Variants in SCN8A observed in about 807,000 individuals in gnomAD.
SCN8A encodes sodium channel protein type 8 subunit alpha.
Under a neutral mutation model 184.1 loss-of-function variants are expected in SCN8A, and 30 were observed. That is an observed-to-expected ratio of 0.16 (90% CI 0.12 to 0.22). The LOEUF is 0.22. Among genes scored for constraint, SCN8A ranks in the 10% least tolerant of loss-of-function variants. The probability of loss-of-function intolerance (pLI) is 1.00; values close to 1 mark genes in which losing one functional copy is unlikely to be tolerated. For synonymous variants in SCN8A, 852 were observed against 907.0 expected (o/e 0.94, Z 1.09); for missense variants, 1,057 against 2,498.9 (o/e 0.42, Z 12.30).
Position 51,792,277 on chromosome 12 carries a change from T to C in SCN8A, c.4524+1775T>C, listed in dbSNP as rs564162884. Among the ~76,000 whole-genome samples the C allele has an allele frequency of 4.8e-5, 7 of 145,726 alleles. No homozygotes were observed. The East Asian group carries it at 1.4e-3, about 29-fold the overall frequency. On this transcript the variant is annotated intron_variant, in intron 25 of 26. Transcript: ENST00000627620. ...AGGCAGATCGCTTGAGCCTAGGAGT[T>C]CTAGACCAGCCTGGGCAACACAGTG...
At chr12:51,592,902 C>A (rs1299054529) in intron 1 of SCN8A, among the ~76,000 whole-genome samples, 1 of 151,952 alleles carries the variant, frequency 6.6e-6, no homozygotes, top group African/African-American at 2.4e-5. Flanking sequence ...TCTCTTTTCT[C>A]CACGTGCATT....
intron 1 of SCN8A, among the ~76,000 whole-genome samples, chr12:51,591,689 C>T (rs1939222097): frequency 6.6e-6 from 1 of 152,132 alleles, no homozygotes; most frequent in African/African-American, 2.4e-5. Context: ...GCGGTGCAGC[C>T]CTCCATCCCT....
At chr12:51,633,245 A>G (rs1940238542) in intron 1 of SCN8A, among the ~76,000 whole-genome samples, 1 of 152,222 alleles carries the variant, frequency 6.6e-6, no homozygotes, top group Non-Finnish European at 1.5e-5. Flanking sequence ...GTGCATACTC[A>G]TATATACACA....
At chr12:51,781,786 T>C (rs1034099565) in intron 21 of SCN8A, among the ~76,000 whole-genome samples, 6 of 152,210 alleles carry the variant, frequency 3.9e-5, no homozygotes, top group African/African-American at 1.4e-4. Context: ...GAAAACTCGC[T>C]TCAATTCAGA....
At chr12:51,762,971 T>C (rs958885732) in intron 15 of SCN8A, among the ~76,000 whole-genome samples, 8 of 152,048 alleles carry the variant, frequency 5.3e-5, no homozygotes, top group African/African-American at 1.9e-4. Context: ...CCCAAGACAA[T>C]AGATGAAGAA....
At chr12:51,622,374 C>T (rs566798307) in intron 1 of SCN8A, among the ~76,000 whole-genome samples, 1 of 152,250 alleles carries the variant, frequency 6.6e-6, no homozygotes, top group South Asian at 2.1e-4. Flanking sequence ...TTTTCTGTTC[C>T]AGGATTCAGT....
rs1000834489 is a variant in SCN8A at position 51,605,796 on chromosome 12, G to A, written c.-55+14437G>A. ...TTTGATTATGGCCATTCTTTCAGGA[G>A]TAAGGTGGTATTGCATTGTGGTTTT... is the stretch of plus-strand genomic sequence containing the variant. On this transcript the variant is annotated intron_variant, in intron 1 of 26. Coordinates refer to ENST00000627620, the MANE Select transcript of SCN8A (RefSeq NM_001330260.2). 3.9e-5 allele frequency among the ~76,000 whole-genome samples: 6 copies of A among 152,186 alleles called. No homozygotes were observed. In the East Asian group the frequency reaches 1.2e-3, roughly 29 times the overall value.
At chr12:51,701,459 C>A (rs1470746312) in intron 8 of SCN8A, among the ~76,000 whole-genome samples, 1 of 152,164 alleles carries the variant, frequency 6.6e-6, no homozygotes, top group Admixed American at 6.5e-5. Context: ...ATCAATAACA[C>A]CAGATAGCTT....
chr12:51,632,563 T>C (rs1344430132), intron 1 of SCN8A, among the ~76,000 whole-genome samples: 1 of 152,186 alleles, frequency 6.6e-6, no homozygotes, highest in African/African-American at 2.4e-5. Context: ...CCTCAAGCAT[T>C]GTCCACAACC....
chr12:51,599,821 A>C (rs2138555124), intron 1 of SCN8A, among the ~76,000 whole-genome samples: 2 of 152,278 alleles, frequency 1.3e-5, no homozygotes, highest in Middle Eastern at 6.8e-3. Flanking sequence ...GTGTTACATG[A>C]ATGTGTGTGT....
chr12:51,601,837 G>A (rs1276657430), intron 1 of SCN8A, among the ~76,000 whole-genome samples: 1 of 150,182 alleles, frequency 6.7e-6, no homozygotes, highest in Non-Finnish European at 1.5e-5. Flanking sequence ...TTTGCCAAGG[G>A]TGGTGCTCAG....
At chr12:51,713,086 A>G (rs1941907796) in intron 11 of SCN8A, 11 of 1,361,514 alleles carry the variant, frequency 8.1e-6, no homozygotes, top group Non-Finnish European at 1.1e-5. Context: ...ATGATCATCA[A>G]AAGTTACAAA....
chr12:51,644,586 A>G (rs1298532580), intron 1 of SCN8A, among the ~76,000 whole-genome samples: 7 of 152,184 alleles, frequency 4.6e-5, no homozygotes, highest in African/African-American at 1.4e-4. Context: ...GGCTCGCTAC[A>G]ACCTCCACCT....
At chr12:51,617,548 A>C (rs201337473) in intron 1 of SCN8A, among the ~76,000 whole-genome samples, 1 of 152,176 alleles carries the variant, frequency 6.6e-6, no homozygotes, top group Admixed American at 6.5e-5. Flanking sequence ...CATACTTAGA[A>C]TAGCTGCATT....
chr12:51,803,579 C>G (rs529688331), intron 26 of SCN8A, among the ~76,000 whole-genome samples: 1 of 152,194 alleles, frequency 6.6e-6, no homozygotes, highest in Non-Finnish European at 1.5e-5. Context: ...TTACTGTCTG[C>G]CCCATTTCTC....
intron 11 of SCN8A, chr12:51,713,513 C>G (rs1386526875): frequency 1.3e-6 from 1 of 761,816 alleles, no homozygotes; most frequent in East Asian, 2.4e-5. Flanking sequence ...CTCAACTGCT[C>G]TGGTTCCTTT....
intron 2 of SCN8A, among the ~76,000 whole-genome samples, chr12:51,678,797 G>A (rs938499166): frequency 3.3e-5 from 5 of 152,182 alleles, no homozygotes; most frequent in Non-Finnish European, 5.9e-5. Flanking sequence ...CTCAGCCTAG[G>A]CTGGGCATGG....
At chr12:51,619,209 A>G (rs1459447724) in intron 1 of SCN8A, among the ~76,000 whole-genome samples, 2 of 152,186 alleles carry the variant, frequency 1.3e-5, no homozygotes, top group African/African-American at 4.8e-5. Flanking sequence ...GTGTCCAGAG[A>G]AGGCCTCGTT....
rs35152992 is a variant in SCN8A at position 51,779,219 on chromosome 12, C to CAA, written c.3820-1413_3820-1412dup. On this transcript the variant is annotated intron_variant, in intron 20 of 26. Coordinates refer to ENST00000627620, the MANE Select transcript of SCN8A (RefSeq NM_001330260.2). ...TGAGCGACAGAGTGAGACTTTGTCT[C>CAA]AAAAAAAAAAAAAAAAAATAGAAAC... is the stretch of plus-strand genomic sequence containing the variant. Among the ~76,000 whole-genome samples the CAA allele has an allele frequency of 7.6e-3, 946 of 125,054 alleles. 14 individuals carry two copies. Among genetic ancestry groups the CAA allele is most frequent in the Admixed American group, 0.014 (178 of 12,490 alleles). 82.0% of individuals were successfully genotyped at this position (125,054 alleles called of 152,430 possible).
Sources: gnomAD v4.1 joint callset for allele counts (sites outside exome capture counted in the v4.1 genomes callset) on GRCh38, gnomAD v4.1.1 for gene constraint, MANE v1.5 for transcripts, NCBI Gene and HGNC (gene_info 2026-07-23, HGNC 2026-07-21) for gene names.